The following CNOT4 variants were observed in gnomAD, a reference collection of about 807,000 sequenced individuals.
The protein encoded by CNOT4 is CCR4-associated factor 4.
In CNOT4, 8 loss-of-function variants were observed where a neutral mutation model predicts 73.8. The observed-to-expected ratio is 0.11, with a 90% confidence interval of 0.06 to 0.20. The LOEUF (loss-of-function observed/expected upper bound fraction) is 0.20, where lower values mean the gene tolerates loss of function less well. Ranked by LOEUF, CNOT4 falls within the 10% of genes least tolerant of loss-of-function variation. The pLI is 1.00. For synonymous variants in CNOT4, 293 were observed against 321.1 expected, an observed-to-expected ratio of 0.91 and a Z score of 0.94; for missense variants, 564 against 883.4, an observed-to-expected ratio of 0.64 and a Z score of 4.58.
intron 10 of CNOT4, among the ~76,000 whole-genome samples, chr7:135,385,510 C>T (rs370243134): frequency 6.6e-6 from 1 of 152,248 alleles, no homozygotes; most frequent in East Asian, 1.9e-4. Context: ...AGGTAAAATG[C>T]ATTAAAGTTG....
chr7:135,440,591 G>A (rs141546788), intron 1 of CNOT4, among the ~76,000 whole-genome samples: 2 of 152,168 alleles, frequency 1.3e-5, no homozygotes, highest in South Asian at 2.1e-4. Flanking sequence ...CACCAACATA[G>A]CCAAGTGTTT....
At chr7:135,431,743 CAA>C (rs1200457818) in intron 2 of CNOT4, among the ~76,000 whole-genome samples, 1 of 20,782 alleles carries the variant, frequency 4.8e-5, no homozygotes. Flanking sequence ...AACTCCATCT[CAA>C]AAAAAAAAAG....
At chr7:135,461,781 G>A (rs377729017) in intron 1 of CNOT4, among the ~76,000 whole-genome samples, 6 of 152,006 alleles carry the variant, frequency 3.9e-5, no homozygotes, top group African/African-American at 1.2e-4. Context: ...GCAGTAAGCC[G>A]AGATCGCACC....
chr7:135,509,300 CA>C (rs1303907762), intron 1 of CNOT4: 1 of 152,302 alleles, frequency 6.6e-6, no homozygotes, highest in African/African-American at 2.4e-5. Context: ...AAATCGGAAG[CA>C]GCTCTAGTGT....
intron 1 of CNOT4, among the ~76,000 whole-genome samples, chr7:135,439,347 T>C (rs1321950875): frequency 1.3e-5 from 2 of 152,232 alleles, no homozygotes; most frequent in Non-Finnish European, 2.9e-5. Flanking sequence ...GAGAATCATT[T>C]TGAAGCTTCT....
chr7:135,488,873 T>C (rs1211343039), intron 1 of CNOT4, among the ~76,000 whole-genome samples: 4 of 152,104 alleles, frequency 2.6e-5, no homozygotes, highest in Non-Finnish European at 4.4e-5. Context: ...AGAGAAAGAA[T>C]AAGTTATGCT....
intron 1 of CNOT4, among the ~76,000 whole-genome samples, chr7:135,491,231 G>GA (rs1337132658): frequency 1.3e-5 from 2 of 152,172 alleles, no homozygotes; most frequent in African/African-American, 4.8e-5. Context: ...GATCTGGGCT[G>GA]AAAAAATTCA....
At chr7:135,431,999 A>C (rs1401126490) in intron 2 of CNOT4, among the ~76,000 whole-genome samples, 2 of 152,198 alleles carry the variant, frequency 1.3e-5, no homozygotes, top group Admixed American at 6.5e-5. Flanking sequence ...GTTGAAACTC[A>C]CAAACTGATT....
intron 1 of CNOT4, among the ~76,000 whole-genome samples, chr7:135,451,545 G>A (rs1034723679): frequency 6.6e-5 from 10 of 151,980 alleles, no homozygotes; most frequent in East Asian, 5.8e-4. Flanking sequence ...TGCCCGCCTC[G>A]ACCTCCCAAA....
intron 6 of CNOT4, among the ~76,000 whole-genome samples, chr7:135,411,630 A>G (rs1334827156): frequency 6.6e-6 from 1 of 151,970 alleles, no homozygotes; most frequent in Admixed American, 6.6e-5. Context: ...TTTGAGTAAC[A>G]TTTTACTATT....
At chr7:135,443,188 C>CAA (rs61062618) in intron 1 of CNOT4, among the ~76,000 whole-genome samples, 3 of 133,974 alleles carry the variant, frequency 2.2e-5, no homozygotes, top group South Asian at 2.5e-4. Flanking sequence ...CTATCTCTAC[C>CAA]AAAAAAAAAA....
At chr7:135,417,617 A>T (rs987232664) in intron 3 of CNOT4, among the ~76,000 whole-genome samples, 4 of 152,176 alleles carry the variant, frequency 2.6e-5, no homozygotes, top group Non-Finnish European at 5.9e-5. Context: ...ACATGTTCAC[A>T]CTGCAGCCAG....
At chr7:135,484,305 G>A (rs576626406) in intron 1 of CNOT4, among the ~76,000 whole-genome samples, 1 of 152,080 alleles carries the variant, frequency 6.6e-6, no homozygotes, top group East Asian at 1.9e-4. Flanking sequence ...CATAATTATG[G>A]AAATTCCAGC....
At chr7:135,388,932 T>G (rs1280556130) in intron 10 of CNOT4, 1 of 1,599,506 alleles carries the variant, frequency 6.3e-7, no homozygotes, top group African/African-American at 1.3e-5. Flanking sequence ...TATGGGTGAC[T>G]AGATTTGTTA....
At chr7:135,370,615 T>G (rs559888393) in intron 10 of CNOT4, among the ~76,000 whole-genome samples, 15 of 152,230 alleles carry the variant, frequency 9.9e-5, no homozygotes, top group Non-Finnish European at 2.2e-4. Flanking sequence ...GGACATCCTG[T>G]ACATTCTTCA....
rs549762830 is a variant in CNOT4 at position 135,499,228 on chromosome 7, T to C, written c.-93+10661A>G. On this transcript the variant is annotated intron_variant, in intron 1 of 11. Transcript: ENST00000541284. ...AACAAACAAACCAGGACAGGGATGCTAGTTTGATTTGGAAAAGGCTAGACT... is the reference window on the plus strand; with the variant it reads ...AACAAACAAACCAGGACAGGGATGCCAGTTTGATTTGGAAAAGGCTAGACT... 1.1e-4 allele frequency among the ~76,000 whole-genome samples: 16 copies of C among 152,288 alleles called. No individual in the cohort carries two copies. The East Asian group carries it at 2.7e-3, about 26-fold the overall frequency.
At chr7:135,384,307 C>T (rs569794987) in intron 10 of CNOT4, 89 of 158,626 alleles carry the variant, frequency 5.6e-4, no homozygotes, top group Non-Finnish European at 8.9e-4. Context: ...TTTTTTTAGA[C>T]GGAGTCTCGC....
chr7:135,401,605 G>A (rs1563027432), intron 7 of CNOT4, among the ~76,000 whole-genome samples: 1 of 152,072 alleles, frequency 6.6e-6, no homozygotes, highest in South Asian at 2.1e-4. Flanking sequence ...CATTTGTACA[G>A]CAAAAAGCAG....
At position 135,393,924 on chromosome 7, in the gene CNOT4, C is replaced by T. The variant is rs372901306; in HGVS notation, c.1621G>A (p.Val541Ile). 6.2e-7 allele frequency: 1 copy of T among 1,602,002 alleles called. No homozygotes were observed. The highest frequency in any genetic ancestry group is 8.5e-7 in the Non-Finnish European group (1 of 1,173,446). ...QHNTGLGGIP[V>I]ADNSSSVESL... is the part of the protein sequence containing the mutation. ...AGGTTTTAAATGAACCTACCTGCTACAGGGATCCCTCCCAGACCTGTGTTG... is the reference window on the plus strand; with the variant it reads ...AGGTTTTAAATGAACCTACCTGCTATAGGGATCCCTCCCAGACCTGTGTTG... Residue 541 changes from valine to isoleucine, a missense_variant, in exon 10 of 12, where the codon GTA (valine) becomes ATA (isoleucine). Val to Ile is a conservative substitution (Grantham distance 29, BLOSUM62 3). Around this residue, in one of 10 missense-constraint regions of CNOT4, gnomAD observed 153 missense variants for 158.7 expected, o/e 0.96. Transcript: ENST00000541284.
Sources: gnomAD v4.1 joint callset for allele counts (sites outside exome capture counted in the v4.1 genomes callset) on GRCh38, gnomAD v4.1.1 for gene constraint, gnomAD v4.1.1 regional missense constraint, MANE v1.5 for transcripts, NCBI Gene and HGNC (gene_info 2026-07-23, HGNC 2026-07-21) for gene names.